PHYHIPL: variants seen among roughly 807,000 people sequenced by gnomAD.
PHYHIPL encodes phytanoyl-CoA 2-hydroxylase interacting protein like.
Under a neutral mutation model 33.4 loss-of-function variants are expected in PHYHIPL, and 9 were observed. The ratio of observed to expected loss-of-function variants is 0.27; its 90% CI spans 0.16 to 0.47. PHYHIPL has a LOEUF of 0.47. PHYHIPL is among the 20% of genes least tolerant of loss of function. The pLI is 0.99. For missense variants in PHYHIPL, 365 were observed against 460.7 expected (o/e 0.79, Z 1.90); for synonymous variants, 153 against 154.1 (o/e 0.99, Z 0.05).
intron 4 of PHYHIPL, among the ~76,000 whole-genome samples, chr10:59,239,987 A>C (rs1030334026): frequency 2.0e-5 from 3 of 152,108 alleles, no homozygotes; most frequent in Non-Finnish European, 2.9e-5. Flanking sequence ...CAAGCTGTGG[A>C]AAATGCAACA....
rs2133320085 is a variant in PHYHIPL at position 59,246,472 on chromosome 10, A to G, written c.*881A>G. ...AGAGAATGTGAATTTCTTCAACATC[A>G]TACTTAAACATTACAGAAAATAGAA... On this transcript the variant is annotated 3_prime_UTR_variant, in exon 5 of 5. Coordinates refer to ENST00000373880, the MANE Select transcript of PHYHIPL (RefSeq NM_032439.4). 2.6e-6 allele frequency: 1 copy of G among 384,714 alleles called. No homozygotes were observed. The highest frequency in any genetic ancestry group is 3.7e-5 in the East Asian group (1 of 27,176). The allele number at this position is 384,714 out of a possible 1,614,324, so 23.8% of individuals were successfully genotyped here.
chr10:59,208,000 A>G (rs1839337156), intron 1 of PHYHIPL, among the ~76,000 whole-genome samples: 1 of 152,012 alleles, frequency 6.6e-6, no homozygotes, highest in African/African-American at 2.4e-5. Flanking sequence ...CGCAGCTTTG[A>G]TAGACTTAAA....
chr10:59,220,831 T>A (rs61397089), intron 1 of PHYHIPL, among the ~76,000 whole-genome samples: 3,104 of 152,168 alleles, frequency 0.02, 123 homozygotes, highest in African/African-American at 0.071. Flanking sequence ...TCATATAACC[T>A]CTTTGTACCT....
chr10:59,191,933 C>A (rs1838794455), intron 1 of PHYHIPL, among the ~76,000 whole-genome samples: 1 of 152,002 alleles, frequency 6.6e-6, no homozygotes, highest in Non-Finnish European at 1.5e-5. Flanking sequence ...ATGCAAATTT[C>A]ATAGTAAACT....
intron 4 of PHYHIPL, 36 bp from the exon 5 acceptor site, chr10:59,245,021 T>C (rs41283698): frequency 1.3e-6 from 2 of 1,560,600 alleles, no homozygotes; most frequent in Admixed American, 3.9e-5. Flanking sequence ...TTTACCACTA[T>C]TGTATTAAGC....
chr10:59,247,766 C>A lies in PHYHIPL; in HGVS notation c.*2175C>A, dbSNP rs1225006415. 5.0e-6 allele frequency: 8 copies of A among 1,598,198 alleles called. No individual in the cohort carries two copies. The African/African-American group carries it at 1.1e-4, about 21-fold the overall frequency. On this transcript the variant is annotated 3_prime_UTR_variant, in exon 5 of 5. Transcript: ENST00000373880. ...CAAAACAAAAATACATTTGTTAGTT[C>A]ACAATGAATCAAGTCATTATTTAAA...
intron 1 of PHYHIPL, among the ~76,000 whole-genome samples, chr10:59,199,709 G>A (rs183883579): frequency 1.2e-4 from 19 of 152,248 alleles, no homozygotes; most frequent in African/African-American, 3.9e-4. Context: ...TCTTCCGTTT[G>A]TTTGTATCCT....
intron 1 of PHYHIPL, among the ~76,000 whole-genome samples, chr10:59,203,156 AC>A (rs1240835605): frequency 6.6e-6 from 1 of 152,200 alleles, no homozygotes; most frequent in Non-Finnish European, 1.5e-5. Flanking sequence ...GCCAACAGAC[AC>A]ATGAAAAAAT....
chr10:59,186,449 G>T (rs2133189985), intron 1 of PHYHIPL, among the ~76,000 whole-genome samples: 1 of 152,232 alleles, frequency 6.6e-6, no homozygotes, highest in South Asian at 2.1e-4. Flanking sequence ...GGCAATGTGG[G>T]CTCTTTTTTG....
At chr10:59,176,631 G>A (rs987232617), upstream of PHYHIPL, 1 of 426,758 alleles carries the variant, frequency 2.3e-6, no homozygotes, top group Non-Finnish European at 4.2e-6. Flanking sequence ...GCCGGGTCCT[G>A]CTCGGTCTCT....
chr10:59,225,874 G>A (rs937398908), intron 1 of PHYHIPL, among the ~76,000 whole-genome samples: 1 of 151,718 alleles, frequency 6.6e-6, no homozygotes, highest in Non-Finnish European at 1.5e-5. Flanking sequence ...AAGTTTCTAG[G>A]TCTTCCATAT....
chr10:59,175,036 T>G (rs939923117), upstream of PHYHIPL, among the ~76,000 whole-genome samples: 1 of 152,228 alleles, frequency 6.6e-6, no homozygotes, highest in Non-Finnish European at 1.5e-5. Flanking sequence ...TTTATAAATT[T>G]GAGACTACTC....
chr10:59,195,853 T>G (rs1838897941), intron 1 of PHYHIPL, among the ~76,000 whole-genome samples: 1 of 152,188 alleles, frequency 6.6e-6, no homozygotes, highest in Non-Finnish European at 1.5e-5. Context: ...GTGATGTTTA[T>G]GAACTCCAGA....
At chr10:59,238,762 G>T in intron 4 of PHYHIPL, 57 bp downstream of exon 4, 2 of 1,169,068 alleles carry the variant, frequency 1.7e-6, no homozygotes, top group Admixed American at 1.8e-5. Context: ...CAAATTCTAG[G>T]CTCAGGTTTC....
At chr10:59,239,422 CTCCCCATAAT>C (rs1840324183) in intron 4 of PHYHIPL, among the ~76,000 whole-genome samples, 1 of 151,988 alleles carries the variant, frequency 6.6e-6, no homozygotes, top group Non-Finnish European at 1.5e-5. Context: ...AGATTTCCCC[CTCCCCATAAT>C]TCAATCAACT....
intron 1 of PHYHIPL, among the ~76,000 whole-genome samples, chr10:59,210,419 G>C (rs1254128552): frequency 6.6e-6 from 1 of 152,154 alleles, no homozygotes; most frequent in Non-Finnish European, 1.5e-5. Context: ...TAAAAAGTCA[G>C]GAAACATCAG....
In PHYHIPL at chr10:59,176,828, G is replaced by A; in HGVS notation, c.-26G>A. 6.3e-7 allele frequency: 1 copy of A among 1,597,138 alleles called. No individual in the cohort carries two copies. Among genetic ancestry groups the A allele is most frequent in the Non-Finnish European group, 8.5e-7 (1 of 1,169,900 alleles). On this transcript the variant is annotated 5_prime_UTR_variant, in exon 1 of 5. Transcript: ENST00000373880. ...GCAGAGAGAGCCTGGATACGAAGCA[G>A]GCGGGCTTCAGAGTGGGTTGGAAAA...
intron 4 of PHYHIPL, among the ~76,000 whole-genome samples, chr10:59,240,838 T>C (rs1840375398): frequency 6.6e-6 from 1 of 152,064 alleles, no homozygotes; most frequent in East Asian, 1.9e-4. Flanking sequence ...GCCTTTGTTT[T>C]TAGGTCCTTT....
At chr10:59,209,467 C>T (rs1839384289) in intron 1 of PHYHIPL, among the ~76,000 whole-genome samples, 1 of 152,172 alleles carries the variant, frequency 6.6e-6, no homozygotes, top group Non-Finnish European at 1.5e-5. Flanking sequence ...CCAGCCACTG[C>T]AAAAACATGC....
Sources: allele counts gnomAD v4.1 joint callset (sites outside exome capture counted in the v4.1 genomes callset), GRCh38; gene constraint gnomAD v4.1.1; transcripts MANE v1.5; gene names NCBI Gene and HGNC (gene_info 2026-07-23, HGNC 2026-07-21).